The following BCKDK variants were observed in gnomAD, a reference collection of about 807,000 sequenced individuals.
BCKDK encodes branched-chain alpha-ketoacid dehydrogenase kinase.
Under a neutral mutation model 43.9 loss-of-function variants are expected in BCKDK, and 28 were observed. The ratio of observed to expected loss-of-function variants is 0.64; its 90% CI spans 0.47 to 0.87. The LOEUF (loss-of-function observed/expected upper bound fraction) is 0.87, where lower values mean the gene tolerates loss of function less well. Ranked by LOEUF, BCKDK falls within the 40% of genes least tolerant of loss-of-function variation. BCKDK has a pLI of 0.00. For missense variants in BCKDK, 483 were observed against 581.4 expected, an observed-to-expected ratio of 0.83 and a Z score of 1.74; for synonymous variants, 257 against 234.3, an observed-to-expected ratio of 1.10 and a Z score of -0.88.
chr16:31,114,011 G>A (rs2057432109), downstream of BCKDK, among the ~76,000 whole-genome samples: 1 of 152,108 alleles, frequency 6.6e-6, no homozygotes, highest in African/African-American at 2.4e-5. Context: ...TTCTCCACTT[G>A]GCAGTCACTG....
At chr16:31,114,945 G>C (rs1291872933), downstream of BCKDK, among the ~76,000 whole-genome samples, 1 of 151,676 alleles carries the variant, frequency 6.6e-6, no homozygotes, top group Non-Finnish European at 1.5e-5. Flanking sequence ...TCTTTTTTGA[G>C]ATGGAGTCTT....
Position 31,108,922 on chromosome 16 carries a change from T to C in BCKDK, c.-177-125T>C. On this transcript the variant is annotated intron_variant, in intron 1 of 11. Coordinates refer to ENST00000219794, the MANE Select transcript of BCKDK (RefSeq NM_005881.4). The surrounding 1 kb of genome is among the most constrained non-coding windows in gnomAD (Gnocchi z 6.2). ...CCTTTGGGCGCGGCCTGTGTGCATC[T>C]GGGGAGACGGTGGGAGTGGTGGGGA... 3.8e-6 allele frequency: 1 copy of C among 264,286 alleles called. No individual in the cohort carries two copies. Among genetic ancestry groups the C allele is most frequent in the East Asian group, 6.9e-5 (1 of 14,522 alleles). 16.4% of individuals were successfully genotyped at this position (264,286 alleles called of 1,614,324 possible). A position where few individuals can be genotyped will look rare whatever the true frequency, so the allele number is the denominator to read the frequency against.
At chr16:31,116,456 C>T (rs143973421), downstream of BCKDK, among the ~76,000 whole-genome samples, 172 of 151,962 alleles carry the variant, frequency 1.1e-3, 2 homozygotes, top group South Asian at 2.9e-3. Context: ...CTCGGCCTCT[C>T]AAAGTGCTGA....
rs1052414106 is a variant in BCKDK at position 31,112,338 on chromosome 16, G to A, written c.*73G>A. ...CTGCAGGACCTCCCGGGTCAGGCAG[G>A]GCGGCCCCCTGCTCCACACACTGCT... On this transcript the variant is annotated 3_prime_UTR_variant, in exon 12 of 12. Transcript: ENST00000219794. The surrounding 1 kb of genome is among the most constrained non-coding windows in gnomAD (Gnocchi z 5.0). The A allele has an allele frequency of 3.8e-6, 6 of 1,595,022 alleles. No homozygotes were observed. In the Admixed American group the frequency reaches 8.4e-5, roughly 22 times the overall value.
intron 10 of BCKDK, 106 bp downstream of exon 10, chr16:31,111,495 T>C: frequency 1.6e-6 from 2 of 1,265,966 alleles, no homozygotes; most frequent in African/African-American, 1.5e-5. Context: ...ATTCTGGGAC[T>C]TGGTCCCTGA....
chr16:31,114,719 A>G (rs377581202), downstream of BCKDK, among the ~76,000 whole-genome samples: 3 of 152,290 alleles, frequency 2.0e-5, no homozygotes, highest in African/African-American at 7.2e-5. Context: ...CAACCGTTAC[A>G]TAGTTATATG....
In BCKDK at chr16:31,109,041, C is replaced by CG; in HGVS notation, c.-177-4dup. The stretch of plus-strand genomic sequence containing the variant: ...CCTTACAACTTCCTCTTCCCCGCCC[C>CG]GGTAGATGGGAGCTGCTCTCCGCGG... On this transcript the variant is annotated splice_region_variant and splice_polypyrimidine_tract_variant and intron_variant, in intron 1 of 11. Transcript: ENST00000219794. This position sits in a 1 kb window ranked among gnomAD's most constrained non-coding sequence, Gnocchi z 5.3. The CG allele has an allele frequency of 1.9e-6, 1 of 523,680 alleles. No individual in the cohort carries two copies. Among genetic ancestry groups the CG allele is most frequent in the Non-Finnish European group, 3.3e-6 (1 of 303,188 alleles). The allele number at this position is 523,680 out of a possible 1,614,324, so 32.4% of individuals were successfully genotyped here.
rs139506978 is a variant in BCKDK, at chr16:31,111,711, G to T, written c.936-158G>T. 4.6e-5 allele frequency among the ~76,000 whole-genome samples: 7 copies of T among 152,254 alleles called. No individual in the cohort carries two copies. The East Asian group carries it at 1.2e-3, about 25-fold the overall frequency. On this transcript the variant is annotated intron_variant, in intron 10 of 11. Coordinates refer to ENST00000219794, the MANE Select transcript of BCKDK (RefSeq NM_005881.4). ...TATAAGCAGTCAGTGGCCCTGGCAG[G>T]GGTGAGGATGATATAAACAAGGCCC...
In BCKDK at chr16:31,110,059, C is replaced by G; in HGVS notation, c.376-18C>G. 6.2e-7 allele frequency: 1 copy of G among 1,614,116 alleles called. No homozygotes were observed. The highest frequency in any genetic ancestry group is 1.7e-5 in the Admixed American group (1 of 60,018). Reference sequence around the variant, plus strand: ...GTGCCCATGCGGCTTTGTGAATTCCCACACCTCTTCCTTGCAGCATGAGCT... The same window carrying G: ...GTGCCCATGCGGCTTTGTGAATTCCGACACCTCTTCCTTGCAGCATGAGCT... On this transcript the variant is annotated intron_variant, in intron 4 of 11. Transcript: ENST00000219794. The surrounding 1 kb of genome is among the most constrained non-coding windows in gnomAD (Gnocchi z 5.4).
At chr16:31,114,547 C>T (rs566924804), downstream of BCKDK, among the ~76,000 whole-genome samples, 11 of 152,132 alleles carry the variant, frequency 7.2e-5, no homozygotes, top group South Asian at 2.1e-4. Context: ...GAGACCCATC[C>T]GCAGGCCCTG....
rs1411214870 is a variant in BCKDK, at chr16:31,108,887, GA to G, written c.-177-159del. 2 of 199,596 alleles carry G rather than the reference GA, an allele frequency of 1.0e-5. No homozygotes were observed. The highest frequency in any genetic ancestry group is 2.0e-5 in the Non-Finnish European group (2 of 99,060). The allele number at this position is 199,596 out of a possible 1,614,324, so 12.4% of individuals were successfully genotyped here. Reference sequence around the variant, plus strand: ...CGGGTTGGGGAATAGAAGCCCCCGGGAGGCTAGGTCCTTTGGGCGCGGCCTG... The same window carrying G: ...CGGGTTGGGGAATAGAAGCCCCCGGGGGCTAGGTCCTTTGGGCGCGGCCTG... On this transcript the variant is annotated intron_variant, in intron 1 of 11. Coordinates refer to ENST00000219794, the MANE Select transcript of BCKDK (RefSeq NM_005881.4). This position sits in a 1 kb window ranked among gnomAD's most constrained non-coding sequence, Gnocchi z 6.2.
chr16:31,109,827 G>A lies in BCKDK; in HGVS notation c.375+44G>A, dbSNP rs779537233. ...TAGGTCAGCGGGCCACCCTGCCCCGGGGGCAAGTGGGGAGTCTGGGGCCCA... is the reference window on the plus strand; with the variant it reads ...TAGGTCAGCGGGCCACCCTGCCCCGAGGGCAAGTGGGGAGTCTGGGGCCCA... On this transcript the variant is annotated intron_variant, in intron 4 of 11. Coordinates refer to ENST00000219794, the MANE Select transcript of BCKDK (RefSeq NM_005881.4). The surrounding 1 kb of genome is among the most constrained non-coding windows in gnomAD (Gnocchi z 5.3). The A allele has an allele frequency of 3.8e-6, 6 of 1,584,826 alleles. No homozygotes were observed. Among genetic ancestry groups the A allele is most frequent in the Middle Eastern group, 1.7e-4 (1 of 6,004 alleles).
rs2057418581 is a variant in BCKDK, at chr16:31,112,208, G to A, written c.1182G>A (p.Thr394=). The change falls in exon 12 of 12, where the codon ACG becomes ACA. Residue 394 remains threonine, a synonymous_variant. Coordinates refer to ENST00000219794, the MANE Select transcript of BCKDK (RefSeq NM_005881.4). The surrounding 1 kb of genome is among the most constrained non-coding windows in gnomAD (Gnocchi z 5.0). ...LQLQSLQGIG[T]DVYLRLRHID... is the part of the protein sequence containing the mutation. ...TGCAGTCCCTGCAGGGCATTGGCAC[G>A]GACGTCTACCTGCGGCTCCGCCACA... 4 of 1,612,364 alleles carry A rather than the reference G, an allele frequency of 2.5e-6. No individual in the cohort carries two copies. Among genetic ancestry groups the A allele is most frequent in the South Asian group, 1.1e-5 (1 of 91,086 alleles).
Position 31,109,515 on chromosome 16 carries a change from C to T in BCKDK, c.200C>T (p.Ser67Leu). 1 of 1,614,150 alleles carries T rather than the reference C, an allele frequency of 6.2e-7. No homozygotes were observed. The highest frequency in any genetic ancestry group is 2.2e-5 in the East Asian group (1 of 44,884). Residue 67 changes from serine to leucine, a missense_variant, in exon 3 of 12, where the codon TCA becomes TTA. Physicochemically the swap from Ser to Leu is moderately radical, Grantham distance 145. Transcript: ENST00000219794. This position sits in a 1 kb window ranked among gnomAD's most constrained non-coding sequence, Gnocchi z 5.3. Reference protein sequence around the residue: ...SAIDAAAEKPSVRLTPTMMLY... With the variant: ...SAIDAAAEKPLVRLTPTMMLY... ...AAGGCCTCTCTCCCTCTCTAGCCCT[C>T]AGTCCGCCTAACGCCCACCATGATG...
chr16:31,117,057 C>T (rs1283153411), downstream of BCKDK, among the ~76,000 whole-genome samples: 2 of 150,318 alleles, frequency 1.3e-5, no homozygotes, highest in Non-Finnish European at 3.0e-5. Flanking sequence ...TCTTGGCTTC[C>T]GCAGGTACCA....
downstream of BCKDK, chr16:31,117,404 A>AATTAG (rs2057454936): frequency 3.3e-6 from 1 of 299,132 alleles, no homozygotes; most frequent in Admixed American, 5.0e-5. Flanking sequence ...AAATAAATTA[A>AATTAG]AAAAAGGTTG....
At chr16:31,117,611 C>T (rs571429247), downstream of BCKDK, 23 of 1,231,084 alleles carry the variant, frequency 1.9e-5, no homozygotes, top group Non-Finnish European at 2.4e-5. Context: ...AGGAGCCCGC[C>T]CCACGCACTG....
rs1185223621 is a variant in BCKDK, at chr16:31,109,068, C to G, written c.-156C>G. On this transcript the variant is annotated 5_prime_UTR_variant, in exon 2 of 12. Transcript: ENST00000219794. This position sits in a 1 kb window ranked among gnomAD's most constrained non-coding sequence, Gnocchi z 5.3. ...GTAGATGGGAGCTGCTCTCCGCGGG[C>G]TGAGCCTGTCAGCATCCTCGACGCA... 1.6e-6 allele frequency: 1 copy of G among 616,468 alleles called. No homozygotes were observed. Among genetic ancestry groups the G allele is most frequent in the African/African-American group, 1.9e-5 (1 of 53,496 alleles). 38.2% of individuals were successfully genotyped at this position (616,468 alleles called of 1,614,324 possible).
chr16:31,111,417 G>C (rs979865656), intron 10 of BCKDK, 28 bp downstream of exon 10: 3 of 1,606,708 alleles, frequency 1.9e-6, no homozygotes, highest in Non-Finnish European at 2.6e-6. Context: ...GTTGAGCTGA[G>C]GTGGATGGGA....
Sources: allele counts gnomAD v4.1 joint callset (sites outside exome capture counted in the v4.1 genomes callset), GRCh38; gene constraint gnomAD v4.1.1; non-coding constraint Gnocchi (gnomAD v3.1); transcripts MANE v1.5; gene names NCBI Gene and HGNC (gene_info 2026-07-23, HGNC 2026-07-21).